The following SLC30A8 variants were observed in gnomAD, a reference collection of about 807,000 sequenced individuals.
SLC30A8 encodes solute carrier family 30 member 8.
A neutral mutation model predicts 36.9 loss-of-function variants in SLC30A8; 27 were observed. The observed-to-expected ratio is 0.73, with a 90% CI of 0.54 to 1.01. SLC30A8 has a LOEUF of 1.01. Ranked by LOEUF, SLC30A8 falls within the 50% of genes least tolerant of loss-of-function variation. The probability of loss-of-function intolerance (pLI) is 0.00; values close to 1 mark genes in which losing one functional copy is unlikely to be tolerated. For synonymous variants in SLC30A8, 164 were observed against 172.4 expected (o/e 0.95, Z 0.38); for missense variants, 439 against 452.0 (o/e 0.97, Z 0.26).
intron 1 of SLC30A8, among the ~76,000 whole-genome samples, chr8:116,956,114 A>G (rs1814193303): frequency 6.6e-6 from 1 of 152,236 alleles, no homozygotes; most frequent in South Asian, 2.1e-4. Context: ...GAATAGATAC[A>G]TTAAAGCAGG....
intron 2 of SLC30A8, among the ~76,000 whole-genome samples, chr8:117,128,156 A>G (rs1247364816): frequency 5.3e-5 from 8 of 151,998 alleles, no homozygotes; most frequent in African/African-American, 1.7e-4. Flanking sequence ...TTTTCTCCCA[A>G]TGAAAAACCA....
chr8:117,030,343 CTTAACTAAT>C (rs1817003570), intron 1 of SLC30A8, among the ~76,000 whole-genome samples: 1 of 151,898 alleles, frequency 6.6e-6, no homozygotes, highest in African/African-American at 2.4e-5. Flanking sequence ...TTTCTGCTCT[CTTAACTAAT>C]TTTTAGTTGT....
At chr8:117,124,328 C>A (rs943006657) in intron 2 of SLC30A8, among the ~76,000 whole-genome samples, 2 of 151,836 alleles carry the variant, frequency 1.3e-5, no homozygotes, top group Non-Finnish European at 2.9e-5. Context: ...AACAAATGAG[C>A]AACAGATCTC....
chr8:117,053,181 G>A (rs531977788), intron 2 of SLC30A8, among the ~76,000 whole-genome samples: 3 of 152,184 alleles, frequency 2.0e-5, no homozygotes, highest in South Asian at 2.1e-4. Context: ...TGCCCGCTTC[G>A]GCCTCCCAAA....
intron 1 of SLC30A8, among the ~76,000 whole-genome samples, chr8:116,964,005 T>G (rs2130600057): frequency 6.6e-6 from 1 of 152,324 alleles, no homozygotes; most frequent in Non-Finnish European, 1.5e-5. Context: ...AAAGCAGCCT[T>G]TATATAAATT....
intron 2 of SLC30A8, among the ~76,000 whole-genome samples, chr8:117,110,980 A>C (rs1246913738): frequency 2.6e-5 from 4 of 152,160 alleles, no homozygotes; most frequent in Admixed American, 6.5e-5. Flanking sequence ...AACATGGCAT[A>C]GTGATTAATG....
intron 1 of SLC30A8, among the ~76,000 whole-genome samples, chr8:116,996,714 G>A (rs769993947): frequency 6.6e-6 from 1 of 152,140 alleles, no homozygotes; most frequent in Non-Finnish European, 1.5e-5. Context: ...TGTTCTACAA[G>A]TGTAAGCTTG....
chr8:117,091,070 T>C (rs962893399), intron 2 of SLC30A8, among the ~76,000 whole-genome samples: 1 of 151,276 alleles, frequency 6.6e-6, no homozygotes, highest in Non-Finnish European at 1.5e-5. Context: ...TCTGAAAACA[T>C]CTTTTTTTTT....
intron 2 of SLC30A8, among the ~76,000 whole-genome samples, chr8:117,092,626 A>G (rs1160553963): frequency 6.6e-6 from 1 of 152,210 alleles, no homozygotes; most frequent in Admixed American, 6.5e-5. Context: ...AGAGATGCCT[A>G]AAGAGATAGG....
intron 2 of SLC30A8, among the ~76,000 whole-genome samples, chr8:117,107,257 T>C (rs938552905): frequency 6.6e-6 from 1 of 152,166 alleles, no homozygotes; most frequent in Non-Finnish European, 1.5e-5. Flanking sequence ...ACTCTGCATT[T>C]AATATAATAT....
At chr8:117,042,864 C>CG (rs1563761720) in intron 2 of SLC30A8, among the ~76,000 whole-genome samples, 1 of 152,064 alleles carries the variant, frequency 6.6e-6, no homozygotes, top group Non-Finnish European at 1.5e-5. Context: ...TTAGTAGAGA[C>CG]GGGTTTTCAC....
intron 2 of SLC30A8, among the ~76,000 whole-genome samples, chr8:117,128,851 T>C (rs1214886485): frequency 6.6e-6 from 1 of 152,034 alleles, no homozygotes; most frequent in Admixed American, 6.6e-5. Flanking sequence ...ATTCACTTTT[T>C]TTCTGGTTAG....
chr8:116,954,638 T>C (rs892353867), intron 1 of SLC30A8, among the ~76,000 whole-genome samples: 3 of 152,058 alleles, frequency 2.0e-5, no homozygotes, highest in African/African-American at 7.2e-5. Context: ...TAATAATGGG[T>C]TAAGGAGTAA....
chr8:117,104,603 A>G (rs1398181332), intron 2 of SLC30A8, among the ~76,000 whole-genome samples: 1 of 152,144 alleles, frequency 6.6e-6, no homozygotes. Flanking sequence ...TTCAATGTCC[A>G]CATTTCTGTT....
At chr8:117,160,446 T>TGTGTGTGTGTGTGTGTGC (rs150458118) in intron 4 of SLC30A8, among the ~76,000 whole-genome samples, 4 of 144,618 alleles carry the variant, frequency 2.8e-5, no homozygotes, top group South Asian at 4.4e-4. Flanking sequence ...CGCGCACATG[T>TGTGTGTGTGTGTGTGTGC]GCGCGCGGTG....
At chr8:116,964,198 A>C (rs60127405) in intron 1 of SLC30A8, among the ~76,000 whole-genome samples, 1 of 152,154 alleles carries the variant, frequency 6.6e-6, no homozygotes, top group African/African-American at 2.4e-5. Flanking sequence ...TTTTCCTAAT[A>C]AGATATTGGA....
At chr8:117,075,495 T>G (rs1326925488) in intron 2 of SLC30A8, among the ~76,000 whole-genome samples, 3 of 152,212 alleles carry the variant, frequency 2.0e-5, no homozygotes, top group Admixed American at 2.0e-4. Context: ...CAAGGACTCT[T>G]ATACCAACAA....
intron 1 of SLC30A8, among the ~76,000 whole-genome samples, chr8:116,957,252 A>G (rs1293807524): frequency 6.6e-6 from 1 of 152,110 alleles, no homozygotes; most frequent in Non-Finnish European, 1.5e-5. Context: ...TATTATGGGC[A>G]GCACCATTCT....
intron 2 of SLC30A8, among the ~76,000 whole-genome samples, chr8:117,115,712 A>AG (rs1820414437): frequency 6.6e-6 from 1 of 152,004 alleles, no homozygotes; most frequent in Non-Finnish European, 1.5e-5. Flanking sequence ...TCTGAAGATG[A>AG]GGGTGAAGGA....
Sources: gnomAD v4.1 joint callset for allele counts (sites outside exome capture counted in the v4.1 genomes callset) on GRCh38, gnomAD v4.1.1 for gene constraint, MANE v1.5 for transcripts, NCBI Gene and HGNC (gene_info 2026-07-23, HGNC 2026-07-21) for gene names.